The following CACNA1E variants were observed in gnomAD, a reference collection of about 807,000 sequenced individuals.
CACNA1E encodes the protein voltage-dependent R-type calcium channel subunit alpha-1E.
Under a neutral mutation model 259.2 loss-of-function variants are expected in CACNA1E, and 40 were observed. The observed-to-expected ratio is 0.15, with a 90% CI of 0.12 to 0.20. The LOEUF (loss-of-function observed/expected upper bound fraction) is 0.20. Ranked by LOEUF, CACNA1E falls within the 10% of genes least tolerant of loss-of-function variation. The pLI, the probability that CACNA1E is intolerant of heterozygous loss-of-function variation, is 1.00. For synonymous variants in CACNA1E, 1,104 were observed against 1,138.5 expected (o/e 0.97, Z 0.61); for missense variants, 1,874 against 3,040.1 (o/e 0.62, Z 9.02).
intron 43 of CACNA1E, among the ~76,000 whole-genome samples, chr1:181,789,520 T>C (rs907084482): frequency 1.3e-5 from 2 of 151,824 alleles, no homozygotes; most frequent in Non-Finnish European, 2.9e-5. Flanking sequence ...CCAAGAGAGC[T>C]GCTGCCCAGC....
chr1:181,678,787 G>C (rs1649633556), intron 7 of CACNA1E, among the ~76,000 whole-genome samples: 1 of 152,184 alleles, frequency 6.6e-6, no homozygotes, highest in Non-Finnish European at 1.5e-5. Context: ...CCTGGAAAGT[G>C]GGGATCATAA....
intron 7 of CACNA1E, among the ~76,000 whole-genome samples, chr1:181,687,287 A>G (rs902040637): frequency 2.0e-5 from 3 of 152,158 alleles, no homozygotes; most frequent in Non-Finnish European, 2.9e-5. Context: ...ATGTTTTTTA[A>G]TGAACAATAG....
chr1:181,439,040 C>T (rs1660273546), intron 2 of CACNA1E, among the ~76,000 whole-genome samples: 1 of 152,160 alleles, frequency 6.6e-6, no homozygotes, highest in African/African-American at 2.4e-5. Context: ...GAGTAAAAAA[C>T]AATAGGAACT....
chr1:181,385,679 CT>C (rs1178390392), intron 1 of CACNA1E, among the ~76,000 whole-genome samples: 2 of 151,874 alleles, frequency 1.3e-5, no homozygotes, highest in East Asian at 3.8e-4. Context: ...ATTTCTGCCC[CT>C]ACCCCTTCCT....
chr1:181,405,605 A>C lies in CACNA1E; in HGVS notation c.-14-7528A>C, dbSNP rs368754063. Among the ~76,000 whole-genome samples, 10 of 152,318 alleles carry C rather than the reference A, an allele frequency of 6.6e-5. No individual in the cohort carries two copies. The East Asian group carries it at 1.7e-3, about 26-fold the overall frequency. On this transcript the variant is annotated intron_variant, in intron 1 of 11. Coordinates refer to the CACNA1E transcript ENST00000524607. ...TAAGTTCCTTAGAAAAGTATGGGAA[A>C]CTGCAAAATATCTTCTTTCCTCCGT... is the stretch of plus-strand genomic sequence containing the variant.
chr1:181,723,584 G>C (rs1257634788), intron 16 of CACNA1E, among the ~76,000 whole-genome samples: 1 of 152,072 alleles, frequency 6.6e-6, no homozygotes, highest in Non-Finnish European at 1.5e-5. Context: ...AGATCCCACA[G>C]GTCGATGGCT....
At chr1:181,616,261 A>C (rs188565994) in intron 6 of CACNA1E, among the ~76,000 whole-genome samples, 1 of 152,260 alleles carries the variant, frequency 6.6e-6, no homozygotes, top group East Asian at 1.9e-4. Flanking sequence ...AGATTTTGTA[A>C]GATTGAAGTA....
At chr1:181,633,813 A>T (rs1199718783) in intron 6 of CACNA1E, among the ~76,000 whole-genome samples, 2 of 152,178 alleles carry the variant, frequency 1.3e-5, no homozygotes, top group Non-Finnish European at 2.9e-5. Context: ...TTCACATGTA[A>T]TTTTCAAAGC....
chr1:181,343,124 C>T (rs1652301628), intron 1 of CACNA1E, among the ~76,000 whole-genome samples: 1 of 151,934 alleles, frequency 6.6e-6, no homozygotes, highest in African/African-American at 2.4e-5. Flanking sequence ...CCTCCTGGAA[C>T]TTGGCTTGAG....
chr1:181,738,905 A>G (rs1656305564), intron 24 of CACNA1E, among the ~76,000 whole-genome samples: 1 of 152,168 alleles, frequency 6.6e-6, no homozygotes, highest in Admixed American at 6.5e-5. Flanking sequence ...GAAAGGAGGA[A>G]TGTGTCAGGG....
chr1:181,512,285 G>T (rs1173082173), intron 3 of CACNA1E, among the ~76,000 whole-genome samples: 1 of 152,206 alleles, frequency 6.6e-6, no homozygotes, highest in Non-Finnish European at 1.5e-5. Context: ...CTTCCTATTG[G>T]TCTTTGTGTC....
intron 3 of CACNA1E, among the ~76,000 whole-genome samples, chr1:181,544,005 A>T (rs1197491481): frequency 6.6e-6 from 1 of 152,222 alleles, no homozygotes; most frequent in Non-Finnish European, 1.5e-5. Context: ...ACCCATACAA[A>T]AAGTTGTGCA....
intron 43 of CACNA1E, among the ~76,000 whole-genome samples, chr1:181,788,713 C>T (rs1300489197): frequency 1.3e-5 from 2 of 152,226 alleles, no homozygotes; most frequent in Non-Finnish European, 2.9e-5. Context: ...GTTCAGAATT[C>T]TGGACTTTAT....
At chr1:181,348,014 G>C (rs1652742714) in intron 1 of CACNA1E, among the ~76,000 whole-genome samples, 1 of 152,254 alleles carries the variant, frequency 6.6e-6, no homozygotes, top group Non-Finnish European at 1.5e-5. Context: ...CTCTCTGGGA[G>C]TGCAGCCAGG....
chr1:181,414,421 T>A (rs1335576750), intron 2 of CACNA1E, among the ~76,000 whole-genome samples: 7 of 152,258 alleles, frequency 4.6e-5, no homozygotes, highest in African/African-American at 1.7e-4. Flanking sequence ...GTGAATGTTC[T>A]GGATGATACA....
chr1:181,535,659 A>T (rs1572133318), intron 3 of CACNA1E, among the ~76,000 whole-genome samples: 1 of 151,012 alleles, frequency 6.6e-6, no homozygotes, highest in East Asian at 1.9e-4. Context: ...TTTGTGGCTG[A>T]TAGTGCTTCC....
chr1:181,528,991 G>C, intron 3 of CACNA1E, among the ~76,000 whole-genome samples: 1 of 152,216 alleles, frequency 6.6e-6, no homozygotes, highest in East Asian at 1.9e-4. Context: ...TAATCCCCAA[G>C]ACGATGGGGA....
At chr1:181,622,877 TA>T (rs1249395666) in intron 6 of CACNA1E, among the ~76,000 whole-genome samples, 1 of 152,146 alleles carries the variant, frequency 6.6e-6, no homozygotes, top group African/African-American at 2.4e-5. Flanking sequence ...AAGTGTTGCT[TA>T]AAAAAACCGC....
rs193116230 is a variant in CACNA1E at position 181,344,256 on chromosome 1, C to G, written c.-15+26133C>G. 1.2e-3 allele frequency among the ~76,000 whole-genome samples: 187 copies of G among 152,346 alleles called. 1 individual carries two copies. The highest frequency in any genetic ancestry group is 4.3e-3 in the African/African-American group (179 of 41,586). ...CTGCATGTACCTGTCCAGGCAAACT[C>G]TCTTTCCACTAACACTGCTTGCTAA... On this transcript the variant is annotated intron_variant, in intron 1 of 11. Coordinates refer to the CACNA1E transcript ENST00000524607.
Sources: allele counts gnomAD v4.1 joint callset (sites outside exome capture counted in the v4.1 genomes callset), GRCh38; gene constraint gnomAD v4.1.1; transcripts MANE v1.5; gene names NCBI Gene and HGNC (gene_info 2026-07-23, HGNC 2026-07-21).